Variants in ADAMTS19 observed in about 807,000 individuals in gnomAD.
The protein encoded by ADAMTS19 is ADAM metallopeptidase with thrombospondin type 1 motif 19.
In ADAMTS19, 93 loss-of-function variants were observed where a neutral mutation model predicts 153.3. That is an observed-to-expected ratio of 0.61 (90% CI 0.51 to 0.72). ADAMTS19 has a LOEUF of 0.72. ADAMTS19 is among the 30% of genes least tolerant of loss of function. The pLI is 0.00. For missense variants in ADAMTS19, 1,482 were observed against 1,552.1 expected (o/e 0.95, Z 0.76); for synonymous variants, 600 against 556.6 (o/e 1.08, Z -1.10).
chr5:129,496,106 C>A (rs1462103268), intron 2 of ADAMTS19, among the ~76,000 whole-genome samples: 1 of 151,926 alleles, frequency 6.6e-6, no homozygotes, highest in African/African-American at 2.4e-5. Flanking sequence ...TACATTGTTC[C>A]TTTTAAGGGG....
At chr5:129,647,714 A>T in intron 11 of ADAMTS19, 51 bp from the exon 12 acceptor site, 1 of 1,581,944 alleles carries the variant, frequency 6.3e-7, no homozygotes, top group South Asian at 1.1e-5. Flanking sequence ...CCAGCGAATG[A>T]TTTTCAGTTG....
chr5:129,704,333 C>A lies in ADAMTS19; in HGVS notation c.3254C>A (p.Ala1085Asp). Residue 1085 changes from alanine (A) to aspartate (D), a missense_variant, in exon 21 of 23, where the codon GCT becomes GAT. Ala to Asp is a moderately radical substitution (Grantham distance 126). Around this residue, in one of 2 missense-constraint regions of ADAMTS19, gnomAD observed 616 missense variants for 724.4 expected, o/e 0.85. Coordinates refer to ENST00000274487, the MANE Select transcript of ADAMTS19 (RefSeq NM_133638.6). ...GTCCTCTCTACCAGACCCAGGGAGG[C>A]TGAAGACTGTGAGGATTATTCAAAA... ...KCVLSTRPRE[A>D]EDCEDYSKCY... 6.2e-7 allele frequency: 1 copy of A among 1,614,128 alleles called. No individual in the cohort carries two copies.
chr5:129,607,228 T>C (rs1750945031), intron 8 of ADAMTS19, among the ~76,000 whole-genome samples: 1 of 152,230 alleles, frequency 6.6e-6, no homozygotes, highest in African/African-American at 2.4e-5. Context: ...GTTTCCACTT[T>C]TAAGTCTCTT....
chr5:129,461,278 C>G lies in ADAMTS19; in HGVS notation c.268C>G (p.Arg90Gly), dbSNP rs1380206591. ...GGCTGCCGGCAGCTCACGCGAGGTG[C>G]GCTCTGTGGCTCCGGTGCCTTTGGA... ...AQAAGSSREV[R>G]SVAPVPLEEP... is the part of the protein sequence containing the mutation. The change falls in exon 2 of 23, where the codon CGC becomes GGC. Residue 90 changes from arginine to glycine, a missense_variant. By Grantham distance (125) the Arg-to-Gly change is moderately radical. Coordinates refer to ENST00000274487, the MANE Select transcript of ADAMTS19 (RefSeq NM_133638.6). The surrounding 1 kb of genome is among the most constrained non-coding windows in gnomAD (Gnocchi z 4.6). 7.8e-7 allele frequency: 1 copy of G among 1,278,962 alleles called. No individual in the cohort carries two copies. Among genetic ancestry groups the G allele is most frequent in the Non-Finnish European group, 9.8e-7 (1 of 1,018,830 alleles). The allele number at this position is 1,278,962 out of a possible 1,614,324, so 79.2% of individuals were successfully genotyped here.
At chr5:129,702,941 A>AAATATATATATATATATATATATAT in intron 20 of ADAMTS19, among the ~76,000 whole-genome samples, 28 of 29,184 alleles carry the variant, frequency 9.6e-4, no homozygotes, top group Non-Finnish European at 1.8e-3. Flanking sequence ...AAAAAAAAAA[A>AAATATATATATATATATATATATAT]ATATATATAT....
chr5:129,686,821 G>A (rs1378879266), intron 18 of ADAMTS19, among the ~76,000 whole-genome samples: 1 of 152,098 alleles, frequency 6.6e-6, no homozygotes, highest in African/African-American at 2.4e-5. Flanking sequence ...ATAAAAAGTG[G>A]TTACAACAAA....
rs767833430 is a variant in ADAMTS19 at position 129,701,371 on chromosome 5, T to A, written c.2955-17T>A. On this transcript the variant is annotated splice_polypyrimidine_tract_variant and intron_variant, in intron 19 of 22. Coordinates refer to ENST00000274487, the MANE Select transcript of ADAMTS19 (RefSeq NM_133638.6). ...TATCTTTTAACTTGTTTCCAGTGACTCTTGCTTTACTTTCAGGTGGATGAT... is the reference window on the plus strand; with the variant it reads ...TATCTTTTAACTTGTTTCCAGTGACACTTGCTTTACTTTCAGGTGGATGAT... The A allele has an allele frequency of 1.9e-6, 3 of 1,614,044 alleles. No individual in the cohort carries two copies. The highest frequency in any genetic ancestry group is 2.5e-6 in the Non-Finnish European group (3 of 1,179,920).
At chr5:129,502,428 T>A (rs1231685042) in intron 2 of ADAMTS19, among the ~76,000 whole-genome samples, 1 of 152,172 alleles carries the variant, frequency 6.6e-6, no homozygotes, top group African/African-American at 2.4e-5. Flanking sequence ...TCACATTAAC[T>A]CTCTGTATAA....
At chr5:129,680,689 G>A (rs1033289719) in intron 17 of ADAMTS19, among the ~76,000 whole-genome samples, 5 of 151,364 alleles carry the variant, frequency 3.3e-5, no homozygotes, top group African/African-American at 4.9e-5. Context: ...TTGAACCCAA[G>A]AGGCGGAGGT....
intron 21 of ADAMTS19, among the ~76,000 whole-genome samples, chr5:129,715,110 T>A (rs1756666847): frequency 6.6e-6 from 1 of 152,214 alleles, no homozygotes; most frequent in African/African-American, 2.4e-5. Context: ...CATATTAAAA[T>A]GTTTCTACAC....
chr5:129,543,730 T>C (rs535891935), intron 6 of ADAMTS19, among the ~76,000 whole-genome samples: 98 of 152,316 alleles, frequency 6.4e-4, no homozygotes, highest in African/African-American at 2.3e-3. Flanking sequence ...CAAGCGGGCC[T>C]GAGTCTTTGC....
At chr5:129,529,503 G>A (rs966100966) in intron 6 of ADAMTS19, among the ~76,000 whole-genome samples, 2 of 152,132 alleles carry the variant, frequency 1.3e-5, no homozygotes, top group Non-Finnish European at 2.9e-5. Flanking sequence ...CTGTTACTGA[G>A]TTTCTGCAAC....
intron 15 of ADAMTS19, among the ~76,000 whole-genome samples, chr5:129,663,261 T>G (rs1753896996): frequency 6.6e-6 from 1 of 152,160 alleles, no homozygotes; most frequent in Admixed American, 6.6e-5. Flanking sequence ...ATCACCAAAG[T>G]TAAGGCCTTG....
chr5:129,534,547 G>A (rs1486528658), intron 6 of ADAMTS19, among the ~76,000 whole-genome samples: 1 of 152,134 alleles, frequency 6.6e-6, no homozygotes, highest in Non-Finnish European at 1.5e-5. Context: ...AATAGAAAAA[G>A]GGGGAATCCT....
At chr5:129,700,467 C>T (rs1008721174) in intron 19 of ADAMTS19, among the ~76,000 whole-genome samples, 3 of 152,084 alleles carry the variant, frequency 2.0e-5, no homozygotes, top group African/African-American at 7.2e-5. Context: ...TTGCTTTATC[C>T]AGGTAAGAGG....
intron 10 of ADAMTS19, among the ~76,000 whole-genome samples, chr5:129,625,539 T>A (rs983266957): frequency 6.6e-6 from 1 of 152,224 alleles, no homozygotes; most frequent in Non-Finnish European, 1.5e-5. Flanking sequence ...CTAACTGGTG[T>A]GAGATGGTAT....
chr5:129,733,964 T>C (rs928950045), intron 21 of ADAMTS19, among the ~76,000 whole-genome samples: 11 of 133,486 alleles, frequency 8.2e-5, no homozygotes, highest in African/African-American at 1.5e-4. Context: ...TGTGTGTGTG[T>C]GTGTGTGTGT....
intron 17 of ADAMTS19, among the ~76,000 whole-genome samples, chr5:129,681,118 CATGTGTGT>C (rs1754789732): frequency 6.6e-6 from 1 of 152,186 alleles, no homozygotes; most frequent in Admixed American, 6.5e-5. Flanking sequence ...CAATTGGAGA[CATGTGTGT>C]TGCTAGTCTA....
At chr5:129,598,981 C>T (rs892737093) in intron 8 of ADAMTS19, among the ~76,000 whole-genome samples, 1 of 152,090 alleles carries the variant, frequency 6.6e-6, no homozygotes, top group Admixed American at 6.6e-5. Context: ...TGGACCTACA[C>T]AGTTCAAACC....
Sources: allele counts gnomAD v4.1 joint callset (sites outside exome capture counted in the v4.1 genomes callset), GRCh38; gene constraint gnomAD v4.1.1; regional missense constraint gnomAD v4.1.1; non-coding constraint Gnocchi (gnomAD v3.1); transcripts MANE v1.5; gene names NCBI Gene and HGNC (gene_info 2026-07-23, HGNC 2026-07-21).